STK33: variants seen among roughly 807,000 people sequenced by gnomAD.
STK33 encodes serine/threonine-protein kinase 33.
Under a neutral mutation model 58.0 loss-of-function variants are expected in STK33, and 52 were observed. That is an observed-to-expected ratio of 0.90 (90% CI 0.72 to 1.13). The LOEUF (loss-of-function observed/expected upper bound fraction) is 1.13. STK33 is among the 50% of genes most tolerant of loss of function. The probability of loss-of-function intolerance (pLI) is 0.00; values close to 1 mark genes in which losing one functional copy is unlikely to be tolerated. For synonymous variants in STK33, 215 were observed against 200.1 expected (o/e 1.07, Z -0.63); for missense variants, 630 against 604.2 (o/e 1.04, Z -0.45).
chr11:8,444,584 G>A (rs1165986843), intron 11 of STK33, among the ~76,000 whole-genome samples: 2 of 152,108 alleles, frequency 1.3e-5, no homozygotes, highest in African/African-American at 4.8e-5. Flanking sequence ...GATAATAAGT[G>A]CATATTGAAT....
intron 11 of STK33, among the ~76,000 whole-genome samples, chr11:8,448,269 T>C (rs1300815298): frequency 6.6e-6 from 1 of 152,138 alleles, no homozygotes; most frequent in Non-Finnish European, 1.5e-5. Flanking sequence ...CTTCACAGAA[T>C]TGGAAAAAAC....
the STK33 span, among the ~76,000 whole-genome samples, chr11:8,361,476 C>A: frequency 6.6e-6 from 1 of 151,816 alleles, no homozygotes; most frequent in African/African-American, 2.4e-5. The surrounding 1 kb of genome is among the most constrained non-coding windows in gnomAD (Gnocchi z 4.8). Context: ...CCAGCCCCCA[C>A]CCACCTGCTC....
intron 1 of STK33, among the ~76,000 whole-genome samples, chr11:8,508,015 C>T (rs1020405397): frequency 6.6e-6 from 1 of 152,070 alleles, no homozygotes; most frequent in Non-Finnish European, 1.5e-5. Flanking sequence ...CTCAGCTTCC[C>T]AAGTAGCTGG....
At chr11:8,428,887 T>C (rs1943085249) in intron 14 of STK33, among the ~76,000 whole-genome samples, 1 of 152,084 alleles carries the variant, frequency 6.6e-6, no homozygotes, top group Non-Finnish European at 1.5e-5. Context: ...ATAATAATCA[T>C]AATGAAAAGT....
intron 1 of STK33, among the ~76,000 whole-genome samples, chr11:8,490,816 C>T (rs1365843891): frequency 6.6e-6 from 1 of 152,146 alleles, no homozygotes; most frequent in Non-Finnish European, 1.5e-5. Context: ...AGTAGACCTC[C>T]AGCAAACTCC....
intron 1 of STK33, among the ~76,000 whole-genome samples, chr11:8,535,619 T>C (rs563688458): frequency 1.2e-3 from 181 of 152,294 alleles, no homozygotes; most frequent in Non-Finnish European, 2.3e-3. Flanking sequence ...AAGGGAACTC[T>C]TATAAACTGT....
chr11:8,356,202 T>C, the STK33 span, among the ~76,000 whole-genome samples: 1 of 152,152 alleles, frequency 6.6e-6, no homozygotes, highest in Non-Finnish European at 1.5e-5. Context: ...TGCCCGTTAG[T>C]TACAGGTATG....
intron 14 of STK33, among the ~76,000 whole-genome samples, chr11:8,423,926 T>A (rs1942321488): frequency 6.6e-6 from 1 of 152,028 alleles, no homozygotes; most frequent in African/African-American, 2.4e-5. Flanking sequence ...TTGAGTTGAA[T>A]CTTTAATCCT....
intron 15 of STK33, among the ~76,000 whole-genome samples, chr11:8,410,976 TC>T (rs1940142837): frequency 6.6e-6 from 1 of 152,252 alleles, no homozygotes; most frequent in Non-Finnish European, 1.5e-5. Flanking sequence ...CCAATTGTTT[TC>T]TGAGCTTATG....
At chr11:8,336,431 G>A in the STK33 span, among the ~76,000 whole-genome samples, 8,724 of 152,338 alleles carry the variant, frequency 0.057, 322 homozygotes, top group Non-Finnish European at 0.082. Flanking sequence ...CGGGGAGATG[G>A]AAAAGCTGAT....
chr11:8,499,931 G>A (rs1284533688), intron 1 of STK33, among the ~76,000 whole-genome samples: 2 of 152,050 alleles, frequency 1.3e-5, no homozygotes, highest in Non-Finnish European at 1.5e-5. Flanking sequence ...GGGGTGGGGG[G>A]CTAGGGGAGG....
chr11:8,489,702 A>G (rs1176360646), intron 1 of STK33, among the ~76,000 whole-genome samples: 1 of 152,212 alleles, frequency 6.6e-6, no homozygotes, highest in Non-Finnish European at 1.5e-5. Context: ...TTACAATGAC[A>G]ATTAACTTTC....
intron 14 of STK33, among the ~76,000 whole-genome samples, chr11:8,415,313 C>T (rs1940958872): frequency 6.6e-6 from 1 of 152,098 alleles, no homozygotes; most frequent in Non-Finnish European, 1.5e-5. Flanking sequence ...TAATGCTACT[C>T]GCCCAGCATT....
intron 12 of STK33, among the ~76,000 whole-genome samples, chr11:8,440,360 T>A (rs1404530126): frequency 6.6e-6 from 1 of 152,108 alleles, no homozygotes; most frequent in Non-Finnish European, 1.5e-5. Context: ...GTGAACCTCA[T>A]GAGAAAACAC....
rs1437599431 is a variant in STK33, at chr11:8,474,972, A to C, written c.-67T>G. ...ACTGTTTGAGGAAGAAAACCAGGCCAAAAAGGATAAGGTAGTTGATGGTGA... is the reference window on the plus strand; with the variant it reads ...ACTGTTTGAGGAAGAAAACCAGGCCCAAAAGGATAAGGTAGTTGATGGTGA... On this transcript the variant is annotated 5_prime_UTR_variant, in exon 5 of 16. Transcript: ENST00000687296. 5 of 1,429,540 alleles carry C rather than the reference A, an allele frequency of 3.5e-6. No homozygotes were observed. The highest frequency in any genetic ancestry group is 4.7e-6 in the Non-Finnish European group (5 of 1,058,780). 88.6% of individuals were successfully genotyped at this position (1,429,540 alleles called of 1,614,324 possible).
rs75169164 is a variant in STK33, at chr11:8,420,656, C to T, written c.1147-6964G>A. Among the ~76,000 whole-genome samples the T allele has an allele frequency of 4.1e-3, 623 of 152,208 alleles. 7 individuals are homozygous for T. Among genetic ancestry groups the T allele is most frequent in the African/African-American group, 0.015 (603 of 41,536 alleles). On this transcript the variant is annotated intron_variant, in intron 14 of 15. Coordinates refer to ENST00000687296, the MANE Select transcript of STK33 (RefSeq NM_001352389.2). ...TCCAGAATCTTGTGATTAACATTCC[C>T]TTGCTTTTGTTTTGTATATATTTTT...
At position 8,413,493 on chromosome 11, in the gene STK33, A is replaced by G. The variant is rs746808447; in HGVS notation, c.1344+2T>C. The stretch of plus-strand genomic sequence containing the variant: ...GAGAAATGCAGCAATGATTCTTCCT[A>G]CCTGTTTTTCCTCCTCTTCATCTGA... On this transcript the variant is annotated splice_donor_variant, in intron 15 of 15. Transcript: ENST00000687296. LOFTEE classifies it high-confidence loss of function. 6 of 1,613,756 alleles carry G rather than the reference A, an allele frequency of 3.7e-6. No individual in the cohort carries two copies. In the South Asian group the frequency reaches 5.5e-5, roughly 15 times the overall value.
intron 1 of STK33, among the ~76,000 whole-genome samples, chr11:8,571,793 A>G (rs2141140614): frequency 6.6e-6 from 1 of 151,304 alleles, no homozygotes. Context: ...AGATCGCGCC[A>G]CTGCACTCCA....
Position 8,417,087 on chromosome 11 carries a change from T to C in STK33, c.1147-3395A>G, listed in dbSNP as rs150433214. 1.2e-4 allele frequency among the ~76,000 whole-genome samples: 19 copies of C among 152,286 alleles called. No individual in the cohort carries two copies. In the East Asian group the frequency reaches 3.5e-3, roughly 28 times the overall value. ...GGGGCAGAACTGTTAGGGCAGACAC[T>C]GTAGATGTACATGTCACCTCACCAT... On this transcript the variant is annotated intron_variant, in intron 14 of 15. Transcript: ENST00000687296.
Sources: gnomAD v4.1 joint callset for allele counts (sites outside exome capture counted in the v4.1 genomes callset) on GRCh38, gnomAD v4.1.1 for gene constraint, Gnocchi (gnomAD v3.1) non-coding constraint, MANE v1.5 for transcripts, NCBI Gene and HGNC (gene_info 2026-07-23, HGNC 2026-07-21) for gene names.